Variants in FRMD6 observed in about 807,000 individuals in gnomAD.
FRMD6 encodes FERM domain containing 6.
Under a neutral mutation model 73.2 loss-of-function variants are expected in FRMD6, and 37 were observed. The observed-to-expected ratio is 0.51, with a 90% CI of 0.39 to 0.66. The LOEUF (loss-of-function observed/expected upper bound fraction) is 0.66, where lower values mean the gene tolerates loss of function less well. Among genes scored for constraint, FRMD6 ranks in the 30% least tolerant of loss-of-function variants. The probability of loss-of-function intolerance (pLI) is 0.00; values close to 1 mark genes in which losing one functional copy is unlikely to be tolerated. For missense variants in FRMD6, 714 were observed against 780.5 expected (o/e 0.91, Z 1.02); for synonymous variants, 273 against 282.2 (o/e 0.97, Z 0.33).
the FRMD6 span, among the ~76,000 whole-genome samples, chr14:51,426,716 T>C: frequency 6.6e-6 from 1 of 152,134 alleles, no homozygotes; most frequent in East Asian, 1.9e-4. Context: ...TTAAGACCCT[T>C]CTCGTTCTCT....
At chr14:51,475,587 A>G in the FRMD6 span, among the ~76,000 whole-genome samples, 1 of 152,230 alleles carries the variant, frequency 6.6e-6, no homozygotes, top group Non-Finnish European at 1.5e-5. Context: ...TGTTGAATCT[A>G]TGAGCGCCAT....
At chr14:51,471,501 G>A in the FRMD6 span, among the ~76,000 whole-genome samples, 315 of 119,540 alleles carry the variant, frequency 2.6e-3, 3 homozygotes, top group African/African-American at 7.7e-3. Flanking sequence ...ACTCCGTCTC[G>A]AAAAAAAAAA....
chr14:51,628,958 G>T (rs1891232120), intron 2 of FRMD6, among the ~76,000 whole-genome samples: 1 of 136,494 alleles, frequency 7.3e-6, no homozygotes, highest in Non-Finnish European at 1.5e-5. Flanking sequence ...CTCACTGCAA[G>T]CTCCGCCTCC....
At chr14:51,575,466 G>A (rs998083393) in intron 2 of FRMD6, among the ~76,000 whole-genome samples, 13 of 152,338 alleles carry the variant, frequency 8.5e-5, no homozygotes, top group South Asian at 6.2e-4. Flanking sequence ...CTCCTTGGTT[G>A]AGCTAAGTGG....
At chr14:51,697,943 T>C (rs956397518) in intron 2 of FRMD6, 199 bp from the exon 3 acceptor site, 1 of 475,124 alleles carries the variant, frequency 2.1e-6, no homozygotes, top group Non-Finnish European at 3.8e-6. Context: ...TATTACCATG[T>C]TGTAAAAACT....
chr14:51,409,279 A>G, the FRMD6 span, among the ~76,000 whole-genome samples: 1 of 151,816 alleles, frequency 6.6e-6, no homozygotes, highest in Non-Finnish European at 1.5e-5. Context: ...CCCTCAGAGC[A>G]AAAGCCAGCC....
At chr14:51,405,272 AT>A in the FRMD6 span, among the ~76,000 whole-genome samples, 7 of 152,154 alleles carry the variant, frequency 4.6e-5, no homozygotes, top group Non-Finnish European at 8.8e-5. Flanking sequence ...AATGATTTAT[AT>A]TCTTCTGGGT....
At chr14:51,713,292 T>C (rs1468511481) in intron 9 of FRMD6, among the ~76,000 whole-genome samples, 2 of 152,054 alleles carry the variant, frequency 1.3e-5, no homozygotes, top group African/African-American at 4.8e-5. Context: ...ATCCTGTCTC[T>C]ACTAAAAATA....
chr14:51,559,722 T>C (rs893230510), intron 1 of FRMD6, among the ~76,000 whole-genome samples: 4 of 152,188 alleles, frequency 2.6e-5, no homozygotes, highest in African/African-American at 9.6e-5. Context: ...TGACCATCCA[T>C]CTTTCCCTAA....
At chr14:51,597,330 T>C (rs539398836) in intron 2 of FRMD6, among the ~76,000 whole-genome samples, 82 of 152,308 alleles carry the variant, frequency 5.4e-4, no homozygotes, top group African/African-American at 1.9e-3. Flanking sequence ...CATAAGGAGA[T>C]TGACCCTAGC....
At chr14:51,619,540 C>T (rs1023573520) in intron 2 of FRMD6, among the ~76,000 whole-genome samples, 5 of 152,114 alleles carry the variant, frequency 3.3e-5, no homozygotes, top group African/African-American at 1.2e-4. Context: ...ACAAACCTTC[C>T]TACATCACCA....
At chr14:51,452,064 A>C in the FRMD6 span, among the ~76,000 whole-genome samples, 1 of 152,222 alleles carries the variant, frequency 6.6e-6, no homozygotes, top group South Asian at 2.1e-4. Flanking sequence ...TTCTTTCAGC[A>C]GTTGAATACA....
chr14:51,559,268 A>G (rs1166365004), intron 1 of FRMD6, among the ~76,000 whole-genome samples: 1 of 152,228 alleles, frequency 6.6e-6, no homozygotes, highest in Non-Finnish European at 1.5e-5. Flanking sequence ...TATTTATTCC[A>G]TCCATCTCCC....
At chr14:51,566,458 TTC>T (rs1421119143) in intron 1 of FRMD6, among the ~76,000 whole-genome samples, 1 of 152,182 alleles carries the variant, frequency 6.6e-6, no homozygotes, top group Non-Finnish European at 1.5e-5. Flanking sequence ...CTTTTAAAAA[TTC>T]TTTGTAAAAT....
chr14:51,552,242 TG>T (rs1335294140), intron 1 of FRMD6, among the ~76,000 whole-genome samples: 8 of 152,252 alleles, frequency 5.3e-5, no homozygotes, highest in African/African-American at 1.7e-4. Context: ...TAACATCTGT[TG>T]GTGAACCTGT....
intron 1 of FRMD6, among the ~76,000 whole-genome samples, chr14:51,566,268 A>C (rs1309613299): frequency 6.6e-6 from 1 of 152,184 alleles, no homozygotes; most frequent in Admixed American, 6.5e-5. Flanking sequence ...TCCAAATCGA[A>C]CACACGCAGC....
intron 1 of FRMD6, among the ~76,000 whole-genome samples, chr14:51,500,173 A>G (rs1883525285): frequency 6.6e-6 from 1 of 152,152 alleles, no homozygotes; most frequent in Non-Finnish European, 1.5e-5. Context: ...GCAGTTACAT[A>G]TTTTGGGAGA....
chr14:51,444,186 C>T, the FRMD6 span, among the ~76,000 whole-genome samples: 1 of 152,230 alleles, frequency 6.6e-6, no homozygotes, highest in African/African-American at 2.4e-5. Flanking sequence ...GCCTTGGCCT[C>T]CCAAAGTGCC....
intron 1 of FRMD6, among the ~76,000 whole-genome samples, chr14:51,528,354 A>G (rs984506835): frequency 6.6e-6 from 1 of 152,308 alleles, no homozygotes; most frequent in Non-Finnish European, 1.5e-5. Flanking sequence ...GAGCACTAGG[A>G]ATAGGCAGAT....
Sources: allele counts gnomAD v4.1 joint callset (sites outside exome capture counted in the v4.1 genomes callset), GRCh38; gene constraint gnomAD v4.1.1; transcripts MANE v1.5; gene names NCBI Gene and HGNC (gene_info 2026-07-23, HGNC 2026-07-21).